The following RALY variants were observed in gnomAD, a reference collection of about 807,000 sequenced individuals.
RALY encodes the protein RALY heterogeneous nuclear ribonucleoprotein, also known as RNA-binding protein Raly.
A neutral mutation model predicts 30.7 loss-of-function variants in RALY; 15 were observed. That is an observed-to-expected ratio of 0.49 (90% CI 0.33 to 0.75). The LOEUF is 0.75. Among genes scored for constraint, RALY ranks in the 30% least tolerant of loss-of-function variants. RALY has a pLI of 0.02. For synonymous variants in RALY, 177 were observed against 170.8 expected, an observed-to-expected ratio of 1.04 and a Z score of -0.28; for missense variants, 339 against 414.3, an observed-to-expected ratio of 0.82 and a Z score of 1.58.
chr20:34,058,257 G>T (rs909884), intron 2 of RALY, among the ~76,000 whole-genome samples: 113,282 of 152,006 alleles, frequency 0.75, 42,706 homozygotes, highest in South Asian at 0.85. Context: ...GAAGTTGCAG[G>T]GGTTCATTGG....
intron 2 of RALY, among the ~76,000 whole-genome samples, chr20:34,038,713 A>G (rs998652672): frequency 1.3e-5 from 2 of 152,208 alleles, no homozygotes; most frequent in African/African-American, 4.8e-5. Flanking sequence ...TCTTAATACC[A>G]AGATTTGGGT....
At chr20:34,032,005 C>G (rs1298606516) in intron 2 of RALY, among the ~76,000 whole-genome samples, 2 of 152,190 alleles carry the variant, frequency 1.3e-5, no homozygotes, top group Non-Finnish European at 2.9e-5. Flanking sequence ...TCTTGTTGCC[C>G]AGACTGCAGT....
intron 1 of RALY, among the ~76,000 whole-genome samples, chr20:33,997,436 C>A (rs948703895): frequency 6.6e-6 from 1 of 152,070 alleles, no homozygotes; most frequent in Non-Finnish European, 1.5e-5. Context: ...TAAAATAGAA[C>A]CGAGATAACT....
At chr20:34,077,443 C>T in intron 8 of RALY, 198 bp downstream of exon 8, 1 of 1,254,362 alleles carries the variant, frequency 8.0e-7, no homozygotes, top group Non-Finnish European at 1.1e-6. Flanking sequence ...ATCAGAAGTC[C>T]CACTGAGGCC....
intron 3 of RALY, 137 bp from the exon 4 acceptor site, chr20:34,073,426 T>G: frequency 1.3e-6 from 1 of 758,982 alleles, no homozygotes. Context: ...TATGAAGACC[T>G]TTGTTGGCAC....
intron 2 of RALY, among the ~76,000 whole-genome samples, chr20:34,051,623 T>C (rs2033080817): frequency 6.6e-6 from 1 of 151,914 alleles, no homozygotes; most frequent in Non-Finnish European, 1.5e-5. Context: ...TGAGACAGAG[T>C]CTCGCTCTGT....
chr20:34,040,482 A>G (rs2032659849), intron 2 of RALY, among the ~76,000 whole-genome samples: 1 of 152,192 alleles, frequency 6.6e-6, no homozygotes, highest in Non-Finnish European at 1.5e-5. Context: ...AGATGCTCTT[A>G]GAATAGCACA....
At chr20:34,077,660 G>T in intron 8 of RALY, 1 of 292,108 alleles carries the variant, frequency 3.4e-6, no homozygotes, top group Non-Finnish European at 6.6e-6. Flanking sequence ...GTCTCATAAG[G>T]GGGTGAGCTC....
chr20:34,077,319 C>A, intron 8 of RALY, 74 bp downstream of exon 8: 4 of 1,589,440 alleles, frequency 2.5e-6, no homozygotes, highest in Non-Finnish European at 3.4e-6. Context: ...GGGGAATGGG[C>A]AGCCTGAGCT....
intron 1 of RALY, among the ~76,000 whole-genome samples, chr20:34,026,331 A>G (rs1431544929): frequency 6.6e-6 from 1 of 152,066 alleles, no homozygotes; most frequent in Non-Finnish European, 1.5e-5. Context: ...TGGTTCTGGT[A>G]TCGGAAGGAA....
At chr20:34,048,222 T>TTTATTCTTGGCAC (rs1261675451) in intron 2 of RALY, among the ~76,000 whole-genome samples, 1 of 152,164 alleles carries the variant, frequency 6.6e-6, no homozygotes, top group African/African-American at 2.4e-5. Flanking sequence ...TCACCTACGA[T>TTTATTCTTGGCAC]TTATTCTTGG....
intron 2 of RALY, among the ~76,000 whole-genome samples, chr20:34,046,813 CTTTTTT>C (rs61495395): frequency 1.5e-4 from 11 of 72,764 alleles, no homozygotes; most frequent in South Asian, 1.2e-3. Flanking sequence ...GACCTCCACT[CTTTTTT>C]TTTTTTTTTT....
At chr20:34,076,946 G>A in intron 7 of RALY, 82 bp from the exon 8 acceptor site, 9 of 1,604,954 alleles carry the variant, frequency 5.6e-6, no homozygotes, top group Non-Finnish European at 7.6e-6. Context: ...CCATGCTGAG[G>A]CCAGCTTCCG....
chr20:34,066,181 T>C (rs2033565012), intron 2 of RALY, among the ~76,000 whole-genome samples: 1 of 151,404 alleles, frequency 6.6e-6, no homozygotes. Context: ...TTTTTTTTTT[T>C]TTTTTTTCAT....
chr20:34,067,816 C>CT (rs11480087), intron 2 of RALY, among the ~76,000 whole-genome samples: 67,851 of 132,370 alleles, frequency 0.51, 18,728 homozygotes, highest in East Asian at 0.72. Flanking sequence ...TTTCTTTTTT[C>CT]TTTTTTTTTT....
intron 2 of RALY, among the ~76,000 whole-genome samples, chr20:34,038,409 A>T (rs1175738544): frequency 1.3e-5 from 2 of 152,120 alleles, no homozygotes; most frequent in East Asian, 3.9e-4. Context: ...TGAGTGAGAG[A>T]TGAATAAAGG....
At chr20:34,022,105 T>A (rs896036528) in intron 1 of RALY, among the ~76,000 whole-genome samples, 3 of 150,196 alleles carry the variant, frequency 2.0e-5, no homozygotes, top group African/African-American at 7.3e-5. Context: ...TTTTTTTTTT[T>A]TTTTAATAAA....
At chr20:34,078,605 G>T in intron 9 of RALY, 52 bp downstream of exon 9, 1 of 1,465,250 alleles carries the variant, frequency 6.8e-7, no homozygotes. Context: ...GTGAAGTGGA[G>T]GTTGTGCCTT....
chr20:34,005,619 T>C (rs765815422), intron 1 of RALY, among the ~76,000 whole-genome samples: 17 of 152,240 alleles, frequency 1.1e-4, no homozygotes, highest in Non-Finnish European at 2.5e-4. Flanking sequence ...TTGTTTATAC[T>C]AATAGAGCTA....
Sources: allele counts gnomAD v4.1 joint callset (sites outside exome capture counted in the v4.1 genomes callset), GRCh38; gene constraint gnomAD v4.1.1; transcripts MANE v1.5; gene names NCBI Gene and HGNC (gene_info 2026-07-23, HGNC 2026-07-21).